Variants in PDE12 observed in about 807,000 individuals in gnomAD.
The protein encoded by PDE12 is phosphodiesterase 12.
Under a neutral mutation model 45.4 loss-of-function variants are expected in PDE12, and 26 were observed. The observed-to-expected ratio is 0.57, with a 90% confidence interval of 0.42 to 0.79. The LOEUF is 0.79. Among genes scored for constraint, PDE12 ranks in the 30% least tolerant of loss-of-function variants. PDE12 has a pLI of 0.00. For synonymous variants in PDE12, 283 were observed against 323.9 expected (o/e 0.87, Z 1.36); for missense variants, 668 against 790.0 (o/e 0.85, Z 1.85).
rs767385603 is a variant in PDE12, at chr3:57,556,397, C to A, written c.18C>A (p.Gly6=). 4 of 1,589,144 alleles carry A rather than the reference C, an allele frequency of 2.5e-6. No individual in the cohort carries two copies. In the Admixed American group the frequency reaches 7.1e-5, roughly 28 times the overall value. The part of the protein sequence containing the change: MWRLP[G]ARAALRVIRT... ...CCAGGTTCATGTGGAGGCTCCCAGG[C>A]GCCCGCGCCGCGCTTCGGGTGATCC... Residue 6 remains glycine, a synonymous_variant, in exon 1 of 3, where the codon GGC becomes GGA. Coordinates refer to ENST00000311180, the MANE Select transcript of PDE12 (RefSeq NM_177966.7). This position sits in a 1 kb window ranked among gnomAD's most constrained non-coding sequence, Gnocchi z 5.0.
At chr3:57,649,109 T>A in the PDE12 span, among the ~76,000 whole-genome samples, 3 of 152,012 alleles carry the variant, frequency 2.0e-5, no homozygotes, top group African/African-American at 7.3e-5. Context: ...AATCTATACA[T>A]CCAAACAAAG....
chr3:57,607,616 G>A, the PDE12 span, among the ~76,000 whole-genome samples: 4 of 152,136 alleles, frequency 2.6e-5, no homozygotes, highest in Admixed American at 6.5e-5. Flanking sequence ...TAGCCGATTC[G>A]ATCAACTGGA....
At chr3:57,590,453 T>G in the PDE12 span, among the ~76,000 whole-genome samples, 1 of 152,118 alleles carries the variant, frequency 6.6e-6, no homozygotes, top group African/African-American at 2.4e-5. Flanking sequence ...GCCACTGCAC[T>G]CTAGCCTAGG....
intron 1 of PDE12, among the ~76,000 whole-genome samples, chr3:57,559,063 A>G (rs1415663690): frequency 2.0e-5 from 3 of 151,644 alleles, no homozygotes; most frequent in Non-Finnish European, 4.4e-5. Context: ...TACTACAAAT[A>G]CAAAAAAATT....
chr3:57,587,244 A>G, the PDE12 span, among the ~76,000 whole-genome samples: 4 of 149,438 alleles, frequency 2.7e-5, no homozygotes, highest in Admixed American at 6.8e-5. Context: ...GCTTGAACCC[A>G]GGAGGCGGAT....
At chr3:57,629,696 G>A in the PDE12 span, among the ~76,000 whole-genome samples, 1 of 115,602 alleles carries the variant, frequency 8.7e-6, no homozygotes, top group South Asian at 2.6e-4. Flanking sequence ...TTTTTTTTTT[G>A]TATTTTCAGT....
At chr3:57,636,890 T>C in the PDE12 span, among the ~76,000 whole-genome samples, 3,600 of 149,976 alleles carry the variant, frequency 0.024, 69 homozygotes, top group Non-Finnish European at 0.035. Flanking sequence ...TAAGCCGAGA[T>C]TGTGTCACTA....
the PDE12 span, chr3:57,646,464 A>G: frequency 1.3e-6 from 2 of 1,585,624 alleles, no homozygotes; most frequent in Non-Finnish European, 1.7e-6. Flanking sequence ...CAGTAGAAAT[A>G]CTTTTTAATG....
At chr3:57,576,186 T>A in the PDE12 span, among the ~76,000 whole-genome samples, 1 of 152,134 alleles carries the variant, frequency 6.6e-6, no homozygotes. Context: ...CATGATGCAA[T>A]ATAGACGAAC....
At position 57,561,275 on chromosome 3, in the gene PDE12, T is replaced by G; in HGVS notation, c.*1271T>G. On this transcript the variant is annotated 3_prime_UTR_variant, in exon 3 of 3. Coordinates refer to ENST00000311180, the MANE Select transcript of PDE12 (RefSeq NM_177966.7). ...AAATTTTGGATGAATCATTGAGCATTTCTACACTAGAAGTAATTTCAAAAT... is the reference window on the plus strand; with the variant it reads ...AAATTTTGGATGAATCATTGAGCATGTCTACACTAGAAGTAATTTCAAAAT... The G allele has an allele frequency of 1.0e-6, 1 of 985,596 alleles. No individual in the cohort carries two copies. Among genetic ancestry groups the G allele is most frequent in the Non-Finnish European group, 1.2e-6 (1 of 829,700 alleles). 61.1% of individuals were successfully genotyped at this position (985,596 alleles called of 1,614,324 possible).
At chr3:57,585,153 C>T in the PDE12 span, among the ~76,000 whole-genome samples, 81 of 152,188 alleles carry the variant, frequency 5.3e-4, no homozygotes, top group African/African-American at 1.6e-3. Flanking sequence ...CGTGAGCCAC[C>T]GTGCCCAGCC....
At chr3:57,637,918 G>A in the PDE12 span, among the ~76,000 whole-genome samples, 3 of 151,920 alleles carry the variant, frequency 2.0e-5, no homozygotes, top group South Asian at 2.1e-4. Flanking sequence ...AGTGGATCAC[G>A]AGGTCAGGAA....
the PDE12 span, among the ~76,000 whole-genome samples, chr3:57,587,569 A>C: frequency 3.1e-4 from 47 of 152,200 alleles, no homozygotes; most frequent in African/African-American, 9.9e-4. Context: ...AAAAGAGAAA[A>C]AAAATTGTCC....
At chr3:57,557,757 T>TG in intron 1 of PDE12, 70 bp downstream of exon 1, 1 of 1,405,844 alleles carries the variant, frequency 7.1e-7, no homozygotes, top group South Asian at 1.3e-5. Flanking sequence ...AGGAATGAGG[T>TG]GGGGGTTAAA....
chr3:57,621,397 C>G, the PDE12 span, among the ~76,000 whole-genome samples: 3 of 152,206 alleles, frequency 2.0e-5, no homozygotes, highest in Non-Finnish European at 4.4e-5. Flanking sequence ...AGGCTGAGCG[C>G]GTTGGCTAAC....
chr3:57,571,169 GA>G (rs1278342754), downstream of PDE12, among the ~76,000 whole-genome samples: 1 of 151,930 alleles, frequency 6.6e-6, no homozygotes, highest in African/African-American at 2.4e-5. Flanking sequence ...TCTGACTTTA[GA>G]AAACTATGTT....
At chr3:57,649,431 T>C in the PDE12 span, among the ~76,000 whole-genome samples, 1 of 151,692 alleles carries the variant, frequency 6.6e-6, no homozygotes, top group Non-Finnish European at 1.5e-5. Flanking sequence ...ACAACCACTA[T>C]GGAAAACCGT....
At chr3:57,619,986 G>A in the PDE12 span, among the ~76,000 whole-genome samples, 1 of 152,196 alleles carries the variant, frequency 6.6e-6, no homozygotes, top group Non-Finnish European at 1.5e-5. Flanking sequence ...CACTTTGGGA[G>A]GCTGAGGCAG....
At chr3:57,652,342 A>C in the PDE12 span, among the ~76,000 whole-genome samples, 2 of 152,324 alleles carry the variant, frequency 1.3e-5, no homozygotes, top group South Asian at 4.1e-4. Flanking sequence ...ACCTCCTAAC[A>C]ACAGCCACAG....
Sources: allele counts gnomAD v4.1 joint callset (sites outside exome capture counted in the v4.1 genomes callset), GRCh38; gene constraint gnomAD v4.1.1; non-coding constraint Gnocchi (gnomAD v3.1); transcripts MANE v1.5; gene names NCBI Gene and HGNC (gene_info 2026-07-23, HGNC 2026-07-21).